Variants in TYRO3 observed in about 807,000 individuals in gnomAD.
The protein encoded by TYRO3 is tyrosine-protein kinase receptor TYRO3.
A neutral mutation model predicts 95.2 loss-of-function variants in TYRO3; 38 were observed. That is an observed-to-expected ratio of 0.40 (90% CI 0.31 to 0.52). TYRO3 has a LOEUF of 0.52. Ranked by LOEUF, TYRO3 falls within the 20% of genes least tolerant of loss-of-function variation. TYRO3 has a pLI of 0.56. For synonymous variants in TYRO3, 367 were observed against 432.9 expected, an observed-to-expected ratio of 0.85 and a Z score of 1.89; for missense variants, 812 against 1,116.4, an observed-to-expected ratio of 0.73 and a Z score of 3.89.
At position 41,576,707 on chromosome 15, in the gene TYRO3, A is replaced by G. The variant is rs1346929751; in HGVS notation, c.2283-1179A>G. On this transcript the variant is annotated intron_variant, in intron 18 of 18. Transcript: ENST00000263798. Reference sequence around the variant, plus strand: ...GAGAAAGGGCCTCGCTCTGACAGCCAGGCTGGAGTGCAGTAATGCAATCAC... The same window carrying G: ...GAGAAAGGGCCTCGCTCTGACAGCCGGGCTGGAGTGCAGTAATGCAATCAC... Among the ~76,000 whole-genome samples the G allele has an allele frequency of 3.7e-5, 5 of 134,670 alleles. No homozygotes were observed. The East Asian group carries it at 6.6e-4, about 18-fold the overall frequency. 88.3% of individuals were successfully genotyped at this position (134,670 alleles called of 152,430 possible).
At position 41,571,655 on chromosome 15, in the gene TYRO3, A is replaced by G; in HGVS notation, c.1721A>G (p.Glu574Gly). ...CTCAGGGAAGCAGCTTGCATGAAGGAGTTTGACCATCCACACGTGGCCAAA... is the reference window on the plus strand; with the variant it reads ...CTCAGGGAAGCAGCTTGCATGAAGGGGTTTGACCATCCACACGTGGCCAAA... ...EFLREAACMK[E>G]FDHPHVAKLV... Residue 574 changes from glutamate to glycine, a missense_variant, in exon 14 of 19, where the codon GAG (glutamate) becomes GGG (glycine). Transcript: ENST00000263798. The G allele has an allele frequency of 6.2e-7, 1 of 1,613,646 alleles. No individual in the cohort carries two copies. Among genetic ancestry groups the G allele is most frequent in the Non-Finnish European group, 8.5e-7 (1 of 1,179,636 alleles).
At chr15:41,576,636 G>A (rs141088050) in intron 18 of TYRO3, among the ~76,000 whole-genome samples, 1,888 of 137,322 alleles carry the variant, frequency 0.014, 34 homozygotes, top group African/African-American at 0.048. Flanking sequence ...GCCTGATTCA[G>A]TAGGTTTCCT....
intron 6 of TYRO3, among the ~76,000 whole-genome samples, chr15:41,566,320 T>TAAAAA (rs57924730): frequency 4.9e-4 from 20 of 40,958 alleles, no homozygotes; most frequent in African/African-American, 2.1e-3. Context: ...CTGTCTCTAT[T>TAAAAA]AAAAAAAAAA....
Position 41,560,723 on chromosome 15 carries a change from G to A in TYRO3, c.125-404G>A, listed in dbSNP as rs1425051831. ...CATTTGGTAAGGTTGGGTGCAGAGG[G>A]TGCTGGCAGCAATTCAGGGTCTGGG... On this transcript the variant is annotated intron_variant, in intron 1 of 18. Transcript: ENST00000263798. Among the ~76,000 whole-genome samples, 4 of 152,288 alleles carry A rather than the reference G, an allele frequency of 2.6e-5. No homozygotes were observed. In the East Asian group the frequency reaches 7.7e-4, roughly 29 times the overall value.
At chr15:41,567,709 G>T (rs2055742046) in intron 7 of TYRO3, among the ~76,000 whole-genome samples, 172 bp downstream of exon 7, 1 of 152,236 alleles carries the variant, frequency 6.6e-6, no homozygotes, top group Non-Finnish European at 1.5e-5. Flanking sequence ...AGGTGGAACA[G>T]ATAAGCAAAC....
intron 9 of TYRO3, among the ~76,000 whole-genome samples, chr15:41,569,704 C>G (rs1489708609): frequency 6.6e-6 from 1 of 152,212 alleles, no homozygotes; most frequent in African/African-American, 2.4e-5. Context: ...GAGGTTGAGG[C>G]TGCAGTGAGC....
At chr15:41,570,754 T>C in intron 12 of TYRO3, 55 bp downstream of exon 12, 1 of 1,551,302 alleles carries the variant, frequency 6.4e-7, no homozygotes, top group Non-Finnish European at 8.9e-7. Flanking sequence ...CTGGAAGTGT[T>C]TGGTTGCCCC....
In TYRO3 at chr15:41,578,845, G is replaced by A. The variant is rs1204847785; in HGVS notation, c.*569G>A. On this transcript the variant is annotated 3_prime_UTR_variant, in exon 19 of 19. Transcript: ENST00000263798. The stretch of plus-strand genomic sequence containing the variant: ...CTTTCTGATTCCGCACCCTGCCTAC[G>A]CCAGGAGAAGTTGAGGGGAGCATGC... The A allele has an allele frequency of 1.3e-5, 2 of 156,278 alleles. No individual in the cohort carries two copies. Among genetic ancestry groups the A allele is most frequent in the African/African-American group, 2.4e-5 (1 of 41,444 alleles). The allele number at this position is 156,278 out of a possible 1,614,324, so 9.7% of individuals were successfully genotyped here. A position where few individuals can be genotyped will look rare whatever the true frequency, so the allele number is the denominator to read the frequency against.
chr15:41,567,916 C>T (rs1208463099), intron 7 of TYRO3, among the ~76,000 whole-genome samples: 1 of 152,156 alleles, frequency 6.6e-6, no homozygotes, highest in Non-Finnish European at 1.5e-5. Context: ...CAGGAACTTG[C>T]TTGGCAATTG....
Position 41,581,340 on chromosome 15 carries a change from A to T in TYRO3, c.*3064A>T, listed in dbSNP as rs1309784368. On this transcript the variant is annotated 3_prime_UTR_variant, in exon 19 of 19. Transcript: ENST00000263798. The stretch of plus-strand genomic sequence containing the variant: ...TGCTTCTGGCTGAGGGCAGGGGAAT[A>T]GGGTGGCTGCTTCTGAAAGCAAATA... The T allele has an allele frequency of 6.5e-6, 1 of 153,420 alleles. No homozygotes were observed. The highest frequency in any genetic ancestry group is 1.5e-5 in the Non-Finnish European group (1 of 68,048). The allele number at this position is 153,420 out of a possible 1,614,324, so 9.5% of individuals were successfully genotyped here. A position where few individuals can be genotyped will look rare whatever the true frequency, so the allele number is the denominator to read the frequency against.
intron 18 of TYRO3, among the ~76,000 whole-genome samples, chr15:41,575,042 G>T (rs369526616): frequency 6.6e-6 from 1 of 152,220 alleles, no homozygotes; most frequent in African/African-American, 2.4e-5. Flanking sequence ...ATGAGCCCCA[G>T]GGGGAGTGGG....
In TYRO3 at chr15:41,579,757, T is replaced by C. The variant is rs1234819184; in HGVS notation, c.*1481T>C. The C allele has an allele frequency of 6.6e-6, 1 of 150,798 alleles. No individual in the cohort carries two copies. The highest frequency in any genetic ancestry group is 1.5e-5 in the Non-Finnish European group (1 of 67,706). The allele number at this position is 150,798 out of a possible 1,614,324, so 9.3% of individuals were successfully genotyped here. ...TATGCCAAAATGTTAACAGCTGTTA[T>C]CTTTTTTTTTTTTTTTTTGAGACCG... On this transcript the variant is annotated 3_prime_UTR_variant, in exon 19 of 19. Coordinates refer to ENST00000263798, the MANE Select transcript of TYRO3 (RefSeq NM_006293.4).
chr15:41,570,800 G>C lies in TYRO3; in HGVS notation c.1579+101G>C, dbSNP rs559006421. ...AGGCTGTGGGTTTGGGTCGGTTGCC[G>C]TAAACAAGATATGCTTGTAGACTCC... On this transcript the variant is annotated intron_variant, in intron 12 of 18. Transcript: ENST00000263798. The C allele has an allele frequency of 5.9e-6, 7 of 1,178,268 alleles. No individual in the cohort carries two copies. The African/African-American group carries it at 1.1e-4, about 18-fold the overall frequency. The allele number at this position is 1,178,268 out of a possible 1,614,324, so 73.0% of individuals were successfully genotyped here.
At position 41,582,573 on chromosome 15, in the gene TYRO3, T is replaced by C. The variant is rs1381474486; in HGVS notation, c.*4297T>C. The C allele has an allele frequency of 2.6e-5, 4 of 151,794 alleles. No individual in the cohort carries two copies. Among genetic ancestry groups the C allele is most frequent in the Non-Finnish European group, 5.9e-5 (4 of 67,962 alleles). The allele number at this position is 151,794 out of a possible 1,614,324, so 9.4% of individuals were successfully genotyped here. On this transcript the variant is annotated 3_prime_UTR_variant, in exon 19 of 19. Transcript: ENST00000263798. ...GGTGGGTGCCTGTAATCCCAGCTAC[T>C]TGGGAGGCTGAGGTAGGAGAATTGC...
At chr15:41,571,176 T>C (rs2055791561) in intron 13 of TYRO3, 58 bp downstream of exon 13, 4 of 1,541,258 alleles carry the variant, frequency 2.6e-6, no homozygotes, top group Non-Finnish European at 9.0e-7. Context: ...GAGGGGCGAC[T>C]GACCCTGAAG....
At chr15:41,566,027 C>T (rs2140823313) in intron 6 of TYRO3, among the ~76,000 whole-genome samples, 1 of 152,242 alleles carries the variant, frequency 6.6e-6, no homozygotes, top group Non-Finnish European at 1.5e-5. Flanking sequence ...GAGAACCCTA[C>T]TGAGGTTGGG....
At chr15:41,561,931 A>G in intron 3 of TYRO3, 1 of 290,998 alleles carries the variant, frequency 3.4e-6, no homozygotes, top group Non-Finnish European at 6.5e-6. Context: ...TGTTCTGCCA[A>G]GTGGCCTGGC....
chr15:41,567,304 A>T, intron 6 of TYRO3, 56 bp from the exon 7 acceptor site: 1 of 1,392,206 alleles, frequency 7.2e-7, no homozygotes, highest in Non-Finnish European at 9.4e-7. Flanking sequence ...TACCCATCCC[A>T]TCTTCCATCT....
intron 6 of TYRO3, 87 bp downstream of exon 6, chr15:41,565,228 T>C: frequency 3.7e-6 from 3 of 803,524 alleles, no homozygotes; most frequent in Non-Finnish European, 6.3e-6. Flanking sequence ...AGCCAGCTCC[T>C]GGGGGCTTGG....
Sources: gnomAD v4.1 joint callset for allele counts (sites outside exome capture counted in the v4.1 genomes callset) on GRCh38, gnomAD v4.1.1 for gene constraint, MANE v1.5 for transcripts, NCBI Gene and HGNC (gene_info 2026-07-23, HGNC 2026-07-21) for gene names.